TAF4B: variants seen among roughly 807,000 people sequenced by gnomAD.
TAF4B encodes transcription initiation factor TFIID subunit 4B.
In TAF4B, 38 loss-of-function variants were observed where a neutral mutation model predicts 86.4. The ratio of observed to expected loss-of-function variants is 0.44; its 90% CI spans 0.34 to 0.58. The LOEUF (loss-of-function observed/expected upper bound fraction) is 0.58, where lower values mean the gene tolerates loss of function less well. Ranked by LOEUF, TAF4B falls within the 20% of genes least tolerant of loss-of-function variation. The pLI is 0.02. For synonymous variants in TAF4B, 388 were observed against 391.2 expected, an observed-to-expected ratio of 0.99 and a Z score of 0.10; for missense variants, 988 against 1,027.6, an observed-to-expected ratio of 0.96 and a Z score of 0.53.
intron 1 of TAF4B, among the ~76,000 whole-genome samples, chr18:26,254,725 C>T (rs190920325): frequency 6.6e-5 from 10 of 152,278 alleles, no homozygotes; most frequent in Non-Finnish European, 1.0e-4. Flanking sequence ...GTCCTAGAGA[C>T]GTGCCATTTC....
intron 11 of TAF4B, among the ~76,000 whole-genome samples, chr18:26,325,664 C>G (rs2056997941): frequency 6.6e-6 from 1 of 151,928 alleles, no homozygotes; most frequent in Non-Finnish European, 1.5e-5. Context: ...AAATTAAATC[C>G]CATCATTAAA....
chr18:26,259,191 CTT>C (rs1474304592), intron 1 of TAF4B, among the ~76,000 whole-genome samples: 1 of 148,770 alleles, frequency 6.7e-6, no homozygotes, highest in Admixed American at 6.7e-5. Context: ...TTTTCTGTTC[CTT>C]TCTCTCTCCC....
intron 1 of TAF4B, among the ~76,000 whole-genome samples, chr18:26,227,831 T>C (rs568942654): frequency 3.3e-5 from 5 of 152,264 alleles, no homozygotes; most frequent in Non-Finnish European, 7.3e-5. Flanking sequence ...AGTGAAGTTC[T>C]TGTGTATTAC....
intron 9 of TAF4B, among the ~76,000 whole-genome samples, chr18:26,308,516 A>G (rs2056820005): frequency 6.6e-6 from 1 of 152,210 alleles, no homozygotes; most frequent in African/African-American, 2.4e-5. Context: ...ATTCTCAAGA[A>G]TGGTCAAAGC....
chr18:26,237,443 T>G (rs552099442), intron 1 of TAF4B, among the ~76,000 whole-genome samples: 2 of 152,254 alleles, frequency 1.3e-5, no homozygotes, highest in East Asian at 3.9e-4. Flanking sequence ...TGGGCCAAAT[T>G]TCCCTTCCCC....
intron 12 of TAF4B, among the ~76,000 whole-genome samples, chr18:26,329,578 T>C (rs2057035281): frequency 6.6e-6 from 1 of 152,234 alleles, no homozygotes; most frequent in South Asian, 2.1e-4. Context: ...TTTCTCAGTC[T>C]TTCTCTTTTA....
At chr18:26,283,775 G>A (rs1318443181) in intron 6 of TAF4B, among the ~76,000 whole-genome samples, 2 of 152,172 alleles carry the variant, frequency 1.3e-5, no homozygotes, top group Non-Finnish European at 2.9e-5. Flanking sequence ...CGTTGGCCAG[G>A]CGTGGTGGCT....
intron 3 of TAF4B, among the ~76,000 whole-genome samples, chr18:26,273,687 A>G (rs1189746887): frequency 2.0e-5 from 3 of 152,180 alleles, no homozygotes; most frequent in Non-Finnish European, 4.4e-5. Context: ...GAGCCACTGC[A>G]CTTGTCCTTC....
chr18:26,305,324 T>TTTTATTTG (rs2056782816), intron 9 of TAF4B, among the ~76,000 whole-genome samples: 2 of 152,250 alleles, frequency 1.3e-5, no homozygotes, highest in African/African-American at 2.4e-5. Context: ...TCTTTAACTT[T>TTTTATTTG]CTTATTTGCA....
intron 1 of TAF4B, among the ~76,000 whole-genome samples, chr18:26,253,964 T>C (rs1268579523): frequency 4.1e-5 from 6 of 146,678 alleles, no homozygotes; most frequent in Non-Finnish European, 7.5e-5. Flanking sequence ...TTCGCTCTGT[T>C]GCCCAGGCTG....
chr18:26,355,199 A>G (rs2057278362), intron 13 of TAF4B, among the ~76,000 whole-genome samples: 1 of 152,230 alleles, frequency 6.6e-6, no homozygotes, highest in African/African-American at 2.4e-5. Context: ...AATGATATTT[A>G]GGACTCACTT....
At chr18:26,322,209 G>A (rs1035999874) in intron 11 of TAF4B, among the ~76,000 whole-genome samples, 7 of 152,088 alleles carry the variant, frequency 4.6e-5, no homozygotes, top group African/African-American at 1.7e-4. Context: ...AAAGGTTAAA[G>A]GAAACTAGGA....
chr18:26,308,127 G>A (rs918082231), intron 9 of TAF4B, among the ~76,000 whole-genome samples: 4 of 152,136 alleles, frequency 2.6e-5, no homozygotes, highest in African/African-American at 4.8e-5. Flanking sequence ...GGTGGCGCAC[G>A]CCTGTAATCC....
At chr18:26,332,672 G>A (rs1296410836) in intron 12 of TAF4B, among the ~76,000 whole-genome samples, 1 of 152,080 alleles carries the variant, frequency 6.6e-6, no homozygotes, top group African/African-American at 2.4e-5. Context: ...TGGGATTACA[G>A]GTGCCCGCCA....
chr18:26,255,617 AAG>A, intron 1 of TAF4B: 1 of 817,174 alleles, frequency 1.2e-6, no homozygotes, highest in Non-Finnish European at 1.9e-6. Context: ...AAAAAAAAAA[AAG>A]AGGGTCAGTT....
At position 26,226,839 on chromosome 18, in the gene TAF4B, C is replaced by G. The variant is rs1240780448; in HGVS notation, c.-95C>G. 1.9e-6 allele frequency: 2 copies of G among 1,067,060 alleles called. No homozygotes were observed. The highest frequency in any genetic ancestry group is 2.5e-6 in the Non-Finnish European group (2 of 811,340). 66.1% of individuals were successfully genotyped at this position (1,067,060 alleles called of 1,614,324 possible). ...CCTCTCCCCAGCGATGCTGTGGAACCCGAACCGCACCGGAGTCGGCTGCCG... is the reference window on the plus strand; with the variant it reads ...CCTCTCCCCAGCGATGCTGTGGAACGCGAACCGCACCGGAGTCGGCTGCCG... On this transcript the variant is annotated 5_prime_UTR_variant, in exon 1 of 15. Transcript: ENST00000269142.
At chr18:26,250,710 T>C (rs1319008114) in intron 1 of TAF4B, among the ~76,000 whole-genome samples, 1 of 152,142 alleles carries the variant, frequency 6.6e-6, no homozygotes, top group East Asian at 1.9e-4. Context: ...GGGTTTAGTT[T>C]TTGTCTAACA....
intron 13 of TAF4B, among the ~76,000 whole-genome samples, chr18:26,340,532 T>C (rs1236978045): frequency 6.6e-6 from 1 of 152,180 alleles, no homozygotes; most frequent in East Asian, 1.9e-4. Flanking sequence ...TTTCAAAGCA[T>C]TGATAGTCTA....
intron 1 of TAF4B, among the ~76,000 whole-genome samples, chr18:26,250,514 AAT>A (rs1356722610): frequency 5.4e-5 from 6 of 110,774 alleles, no homozygotes; most frequent in South Asian, 3.1e-4. Context: ...AAAAAAAAAA[AAT>A]TTTTTTTTGT....
Sources: gnomAD v4.1 joint callset for allele counts (sites outside exome capture counted in the v4.1 genomes callset) on GRCh38, gnomAD v4.1.1 for gene constraint, MANE v1.5 for transcripts, NCBI Gene and HGNC (gene_info 2026-07-23, HGNC 2026-07-21) for gene names.